NLGN4Y: variants seen among roughly 807,000 people sequenced by gnomAD.
The protein encoded by NLGN4Y is neuroligin-4, Y-linked.
NLGN4Y carries 4 observed loss-of-function variants against 8.4 expected under a neutral mutation model. That is an observed-to-expected ratio of 0.48 (90% CI 0.23 to 1.09). The LOEUF is 1.09. NLGN4Y is among the 50% of genes least tolerant of loss of function. The probability of loss-of-function intolerance (pLI) is 0.19; values close to 1 mark genes in which losing one functional copy is unlikely to be tolerated. For synonymous variants in NLGN4Y, 35 were observed against 75.6 expected, an observed-to-expected ratio of 0.46 and a Z score of 2.78; for missense variants, 90 against 192.3, an observed-to-expected ratio of 0.47 and a Z score of 3.15.
chrY:14,598,758 C>T, intron 1 of NLGN4Y, among the ~76,000 whole-genome samples: 3 of 31,297 alleles, frequency 9.6e-5, no homozygotes, highest in Admixed American at 8.8e-4. Context: ...ATGCTGTCAC[C>T]TCTCAATAAT....
At chrY:14,602,582 T>A (rs2080430520) in intron 1 of NLGN4Y, among the ~76,000 whole-genome samples, 1 of 33,930 alleles carries the variant, frequency 2.9e-5, no homozygotes, top group Non-Finnish European at 7.3e-5. Flanking sequence ...TAGTGTTTTA[T>A]GGCTTGGCTT....
At chrY:14,645,504 A>C in intron 2 of NLGN4Y, among the ~76,000 whole-genome samples, 1 of 30,027 alleles carries the variant, frequency 3.3e-5, no homozygotes, top group Non-Finnish European at 7.9e-5. Context: ...ATAAACAGAT[A>C]CTCCTTTCTG....
intron 4 of NLGN4Y, among the ~76,000 whole-genome samples, chrY:14,813,835 C>T (rs2043091784): frequency 3.0e-5 from 1 of 33,273 alleles, no homozygotes; most frequent in Non-Finnish European, 7.4e-5. Flanking sequence ...TCTTTTGCAT[C>T]TTTCTTTTGT....
At chrY:14,557,578 C>T in intron 1 of NLGN4Y, among the ~76,000 whole-genome samples, 3 of 33,124 alleles carry the variant, frequency 9.1e-5, no homozygotes, top group African/African-American at 2.4e-4. Flanking sequence ...GGAAAACTGT[C>T]TGTTGAGGTG....
chrY:14,733,527 A>AT lies in NLGN4Y; in HGVS notation c.685+10266dup, dbSNP rs776557550. 485 of 312,645 alleles carry AT rather than the reference A, an allele frequency of 1.6e-3. No individual in the cohort carries two copies. In the African/African-American group the frequency reaches 0.024, roughly 16 times the overall value. 78.0% of individuals were successfully genotyped at this position (312,645 alleles called of 400,897 possible). ...AAATCTCCTTTCACTAATTTAATAA[A>AT]TTTTTTTTGAGTTCAGATGCAATCT... is the stretch of plus-strand genomic sequence containing the variant. On this transcript the variant is annotated intron_variant, in intron 4 of 6. Coordinates refer to ENST00000684976, the MANE Select transcript of NLGN4Y (RefSeq NM_001365588.1).
intron 2 of NLGN4Y, among the ~76,000 whole-genome samples, chrY:14,653,907 C>T: frequency 2.9e-5 from 1 of 34,014 alleles, no homozygotes; most frequent in Non-Finnish European, 7.3e-5. Flanking sequence ...GGCCTGAACT[C>T]CTGACCTCAA....
intron 4 of NLGN4Y, among the ~76,000 whole-genome samples, chrY:14,819,647 G>A: frequency 9.1e-5 from 3 of 33,030 alleles, no homozygotes; most frequent in Non-Finnish European, 1.5e-4. Flanking sequence ...TGATAGGAAA[G>A]GGAGCTGTAT....
rs574127159 is a variant in NLGN4Y at position 14,844,002 on chromosome Y, T to C, written c.*2740T>C. Reference sequence around the variant, plus strand: ...ATCTGTTCTTTCTTGGTAGGTGGAATATTTTATTTACTTTTGCCATTCTTT... The same window carrying C: ...ATCTGTTCTTTCTTGGTAGGTGGAACATTTTATTTACTTTTGCCATTCTTT... On this transcript the variant is annotated 3_prime_UTR_variant, in exon 7 of 7. Transcript: ENST00000684976. 8 of 117,224 alleles carry C rather than the reference T, an allele frequency of 6.8e-5. No homozygotes were observed. In the African/African-American group the frequency reaches 7.7e-4, roughly 11 times the overall value. 29.2% of individuals were successfully genotyped at this position (117,224 alleles called of 400,897 possible). A position where few individuals can be genotyped will look rare whatever the true frequency, so the allele number is the denominator to read the frequency against.
intron 4 of NLGN4Y, among the ~76,000 whole-genome samples, chrY:14,756,603 C>G (rs1603503594): frequency 3.8e-5 from 1 of 26,525 alleles, no homozygotes; most frequent in South Asian, 9.1e-4. Context: ...CAAAAATTAG[C>G]CAGGTGTGAT....
intron 1 of NLGN4Y, among the ~76,000 whole-genome samples, chrY:14,570,531 G>A: frequency 3.0e-5 from 1 of 33,121 alleles, no homozygotes; most frequent in African/African-American, 1.2e-4. Context: ...ACACTGTGTG[G>A]CAAAAGTATG....
intron 1 of NLGN4Y, among the ~76,000 whole-genome samples, chrY:14,567,931 C>A: frequency 3.1e-5 from 1 of 32,300 alleles, no homozygotes; most frequent in Non-Finnish European, 7.6e-5. Flanking sequence ...TAGTGTAATC[C>A]CCAGTAACAA....
intron 2 of NLGN4Y, among the ~76,000 whole-genome samples, chrY:14,631,073 A>T (rs2080546884): frequency 6.4e-4 from 20 of 31,460 alleles, no homozygotes; most frequent in African/African-American, 3.7e-4. Flanking sequence ...AGATATATAT[A>T]TTTTTTTTTC....
chrY:14,575,287 TC>T (rs2080293552), intron 1 of NLGN4Y, among the ~76,000 whole-genome samples: 5 of 33,214 alleles, frequency 1.5e-4, no homozygotes, highest in African/African-American at 4.7e-4. Flanking sequence ...TTTTCTCTTT[TC>T]TTTTTATTCT....
chrY:14,784,794 A>T (rs778736964), intron 4 of NLGN4Y, among the ~76,000 whole-genome samples: 1 of 33,937 alleles, frequency 2.9e-5, no homozygotes, highest in African/African-American at 1.1e-4. Context: ...TAATGGAATA[A>T]TATGCAGCCA....
At chrY:14,792,851 A>AGAGT (rs2042991366) in intron 4 of NLGN4Y, among the ~76,000 whole-genome samples, 82 of 9,103 alleles carry the variant, frequency 9.0e-3, no homozygotes, top group African/African-American at 0.043. Flanking sequence ...AGAGAGAGAG[A>AGAGT]GTGTGTGTGT....
chrY:14,825,354 C>T, intron 5 of NLGN4Y, among the ~76,000 whole-genome samples: 1 of 28,981 alleles, frequency 3.5e-5, no homozygotes, highest in Non-Finnish European at 8.3e-5. Context: ...TGTCTCTCCT[C>T]GATCTCCCTC....
intron 6 of NLGN4Y, among the ~76,000 whole-genome samples, chrY:14,838,253 A>C: frequency 3.0e-5 from 1 of 33,568 alleles, no homozygotes; most frequent in African/African-American, 1.2e-4. Flanking sequence ...TTTATGAATA[A>C]ATATGAGATC....
At chrY:14,707,033 G>A in intron 2 of NLGN4Y, among the ~76,000 whole-genome samples, 1 of 12,632 alleles carries the variant, frequency 7.9e-5, no homozygotes, top group African/African-American at 3.1e-4. Context: ...AAAGTTATTC[G>A]GTTTTGAATA....
At chrY:14,572,977 G>A (rs996562082) in intron 1 of NLGN4Y, among the ~76,000 whole-genome samples, 4 of 33,334 alleles carry the variant, frequency 1.2e-4, no homozygotes, top group Admixed American at 2.8e-4. Flanking sequence ...AATTTTTGAT[G>A]TGCTGCTAGA....
Sources: gnomAD v4.1 joint callset for allele counts (sites outside exome capture counted in the v4.1 genomes callset) on GRCh38, gnomAD v4.1.1 for gene constraint, MANE v1.5 for transcripts, NCBI Gene and HGNC (gene_info 2026-07-23, HGNC 2026-07-21) for gene names.